Variants in C17orf67 observed in about 807,000 individuals in gnomAD.
C17orf67 encodes the protein chromosome 17 open reading frame 67.
C17orf67 carries 12 observed loss-of-function variants against 11.2 expected under a neutral mutation model. The ratio of observed to expected loss-of-function variants is 1.07; its 90% CI spans 0.68 to 1.73. C17orf67 has a LOEUF of 1.73. C17orf67 is among the 40% of genes most tolerant of loss of function. The pLI is 0.00. For missense variants in C17orf67, 115 were observed against 113.5 expected (o/e 1.01, Z -0.06); for synonymous variants, 59 against 46.9 (o/e 1.26, Z -1.05).
At chr17:56,795,890 A>G (rs527569110) in intron 6 of C17orf67, among the ~76,000 whole-genome samples, 1 of 152,352 alleles carries the variant, frequency 6.6e-6, no homozygotes, top group East Asian at 1.9e-4. Context: ...ACTGAGTGAA[A>G]AGTCCAAGTA....
intron 7 of C17orf67, among the ~76,000 whole-genome samples, chr17:56,794,020 G>A (rs563304412): frequency 2.2e-4 from 33 of 152,220 alleles, no homozygotes; most frequent in African/African-American, 6.5e-4. Flanking sequence ...TGTGCAACAC[G>A]GTCCACATAA....
chr17:56,824,070 T>C (rs1385402541), intron 4 of C17orf67, among the ~76,000 whole-genome samples: 2 of 152,272 alleles, frequency 1.3e-5, no homozygotes, highest in Non-Finnish European at 2.9e-5. Context: ...TTATTGCCAC[T>C]GATGGTGTTG....
intron 6 of C17orf67, among the ~76,000 whole-genome samples, chr17:56,802,829 G>A (rs1905356102): frequency 6.6e-6 from 1 of 152,234 alleles, no homozygotes; most frequent in Non-Finnish European, 1.5e-5. Flanking sequence ...TTCAAAGCGT[G>A]AGCTGTGCTC....
chr17:56,805,658 A>G (rs941951667), intron 6 of C17orf67, among the ~76,000 whole-genome samples: 3 of 152,234 alleles, frequency 2.0e-5, no homozygotes, highest in African/African-American at 7.2e-5. Flanking sequence ...TCTTGGACCT[A>G]GTAATTCATT....
rs533607754 is a variant in C17orf67 at position 56,821,503 on chromosome 17, T to A, written c.-201+3236A>T. On this transcript the variant is annotated intron_variant, in intron 4 of 7. Transcript: ENST00000397861. ...ATGGGTCTAGATCCTTCCATCTCTA[T>A]TGTCACCACCCACATCTAGGCCACT... 6.6e-5 allele frequency among the ~76,000 whole-genome samples: 10 copies of A among 152,280 alleles called. No homozygotes were observed. The South Asian group carries it at 2.1e-3, about 32-fold the overall frequency.
intron 2 of C17orf67, among the ~76,000 whole-genome samples, chr17:56,827,988 C>T (rs1485286892): frequency 6.6e-6 from 1 of 151,246 alleles, no homozygotes; most frequent in South Asian, 2.1e-4. Flanking sequence ...AGGCGGATCG[C>T]GAGATCAGGA....
At chr17:56,805,228 G>A (rs915968674) in intron 6 of C17orf67, among the ~76,000 whole-genome samples, 6 of 152,206 alleles carry the variant, frequency 3.9e-5, no homozygotes, top group African/African-American at 1.4e-4. Flanking sequence ...CATCATTTAA[G>A]GTGAGTTTTT....
At chr17:56,832,219 T>C (rs537741948) in intron 2 of C17orf67, among the ~76,000 whole-genome samples, 18 of 152,316 alleles carry the variant, frequency 1.2e-4, no homozygotes, top group African/African-American at 4.1e-4. Context: ...GTGTTGGGGT[T>C]ACAGGCGTGA....
At chr17:56,807,493 G>C (rs577258461) in intron 6 of C17orf67, among the ~76,000 whole-genome samples, 2 of 152,286 alleles carry the variant, frequency 1.3e-5, no homozygotes, top group Non-Finnish European at 2.9e-5. Context: ...CTGCATGTCT[G>C]ACGGGATCCC....
At chr17:56,792,445 T>C (rs1905120305) in intron 7 of C17orf67, 93 bp from the exon 8 acceptor site, 1 of 150,638 alleles carries the variant, frequency 6.6e-6, no homozygotes. Flanking sequence ...GTGATGGTGA[T>C]GATGGTGATT....
chr17:56,830,621 AT>A lies in C17orf67; in HGVS notation c.-557+2276del, dbSNP rs1057193819. ...CTCAATTAGCCACCACGCCTGGCTA[AT>A]TTTTTTTTTGTATTTATACATTTTT... On this transcript the variant is annotated intron_variant, in intron 2 of 7. Coordinates refer to ENST00000397861, the MANE Select transcript of C17orf67 (RefSeq NM_001085430.4). Among the ~76,000 whole-genome samples the A allele has an allele frequency of 6.4e-3, 962 of 150,100 alleles. 10 individuals carry two copies. Among genetic ancestry groups the A allele is most frequent in the African/African-American group, 0.023 (929 of 41,096 alleles).
At chr17:56,792,706 A>T (rs990251191) in intron 7 of C17orf67, among the ~76,000 whole-genome samples, 1 of 10,808 alleles carries the variant, frequency 9.3e-5, no homozygotes, top group African/African-American at 4.6e-4. Context: ...GGCAATGGTG[A>T]CGATGATGAT....
chr17:56,828,576 A>G (rs1200648900), intron 2 of C17orf67, among the ~76,000 whole-genome samples: 1 of 152,154 alleles, frequency 6.6e-6, no homozygotes, highest in African/African-American at 2.4e-5. Flanking sequence ...GAGTTTATAA[A>G]CCATATATAC....
At chr17:56,821,200 AG>A (rs1160861006) in intron 4 of C17orf67, among the ~76,000 whole-genome samples, 1 of 152,066 alleles carries the variant, frequency 6.6e-6, no homozygotes, top group Admixed American at 6.6e-5. Context: ...CATTTTTTTA[AG>A]TATAGAAAAA....
At chr17:56,830,131 C>G (rs552388095) in intron 2 of C17orf67, among the ~76,000 whole-genome samples, 4 of 152,044 alleles carry the variant, frequency 2.6e-5, no homozygotes, top group Non-Finnish European at 5.9e-5. Flanking sequence ...ATCATGAGGT[C>G]AGGAGATCAG....
intron 6 of C17orf67, among the ~76,000 whole-genome samples, chr17:56,798,921 C>A (rs1271678127): frequency 6.6e-6 from 1 of 152,168 alleles, no homozygotes; most frequent in Non-Finnish European, 1.5e-5. Context: ...CCACTCATGG[C>A]AGAAGGTGAA....
intron 4 of C17orf67, among the ~76,000 whole-genome samples, chr17:56,817,592 T>G (rs1041072280): frequency 6.6e-6 from 1 of 152,130 alleles, no homozygotes; most frequent in African/African-American, 2.4e-5. Flanking sequence ...TATCTGGGAC[T>G]ACAAGTGTGC....
At chr17:56,810,085 TCA>T (rs1303072167) in intron 6 of C17orf67, among the ~76,000 whole-genome samples, 4 of 85,696 alleles carry the variant, frequency 4.7e-5, no homozygotes, top group African/African-American at 9.1e-5. Context: ...ACACACACCC[TCA>T]CACACCCCTC....
At chr17:56,815,448 A>T (rs1250800626) in intron 5 of C17orf67, among the ~76,000 whole-genome samples, 2 of 152,248 alleles carry the variant, frequency 1.3e-5, no homozygotes, top group African/African-American at 2.4e-5. Context: ...AAAAGATATT[A>T]TCATCATAAA....
Sources: gnomAD v4.1 joint callset for allele counts (sites outside exome capture counted in the v4.1 genomes callset) on GRCh38, gnomAD v4.1.1 for gene constraint, MANE v1.5 for transcripts, NCBI Gene and HGNC (gene_info 2026-07-23, HGNC 2026-07-21) for gene names.